SCN8A: variants seen among roughly 807,000 people sequenced by gnomAD.
SCN8A encodes the protein sodium voltage-gated channel alpha subunit 8.
In SCN8A, 30 loss-of-function variants were observed where a neutral mutation model predicts 184.1. The ratio of observed to expected loss-of-function variants is 0.16; its 90% CI spans 0.12 to 0.22. The LOEUF (loss-of-function observed/expected upper bound fraction) is 0.22, where lower values mean the gene tolerates loss of function less well. Ranked by LOEUF, SCN8A falls within the 10% of genes least tolerant of loss-of-function variation. The probability of loss-of-function intolerance (pLI) is 1.00; values close to 1 mark genes in which losing one functional copy is unlikely to be tolerated. For missense variants in SCN8A, 1,057 were observed against 2,498.9 expected, an observed-to-expected ratio of 0.42 and a Z score of 12.30; for synonymous variants, 852 against 907.0, an observed-to-expected ratio of 0.94 and a Z score of 1.09.
intron 12 of SCN8A, chr12:51,722,229 C>T (rs1017521480): frequency 4.3e-6 from 2 of 460,390 alleles, no homozygotes; most frequent in South Asian, 5.7e-5. Flanking sequence ...TTTATTTTAC[C>T]GTTTTCTTTC....
At chr12:51,803,077 ATCTG>A (rs1938600107) in intron 26 of SCN8A, among the ~76,000 whole-genome samples, 1 of 152,216 alleles carries the variant, frequency 6.6e-6, no homozygotes, top group African/African-American at 2.4e-5. Flanking sequence ...ACAGCAGGCC[ATCTG>A]CAAGCTGAGG....
Position 51,734,558 on chromosome 12 carries a change from G to C in SCN8A, c.1999-11345G>C, listed in dbSNP as rs185100519. Among the ~76,000 whole-genome samples the C allele has an allele frequency of 5.3e-5, 8 of 152,330 alleles. No individual in the cohort carries two copies. The East Asian group carries it at 9.6e-4, about 18-fold the overall frequency. On this transcript the variant is annotated intron_variant, in intron 12 of 26. Transcript: ENST00000627620. ...TTAAGCGGTTTTCCACCCTGGGCGGGCCAGGTGTTCCTTGCCGTCATTCCT... is the reference window on the plus strand; with the variant it reads ...TTAAGCGGTTTTCCACCCTGGGCGGCCCAGGTGTTCCTTGCCGTCATTCCT...
intron 1 of SCN8A, among the ~76,000 whole-genome samples, chr12:51,638,633 C>T (rs1271344136): frequency 4.6e-5 from 7 of 151,904 alleles, no homozygotes; most frequent in South Asian, 2.1e-4. Context: ...ACTACAGGCG[C>T]GTGCCACCAC....
chr12:51,707,904 G>A (rs1397986447), intron 11 of SCN8A, among the ~76,000 whole-genome samples: 1 of 151,968 alleles, frequency 6.6e-6, no homozygotes, highest in Non-Finnish European at 1.5e-5. Flanking sequence ...GCCCATCCCT[G>A]CATCCTCATT....
chr12:51,688,089 TCTTA>T (rs1379371022), intron 5 of SCN8A, among the ~76,000 whole-genome samples: 1 of 152,228 alleles, frequency 6.6e-6, no homozygotes, highest in Non-Finnish European at 1.5e-5. Flanking sequence ...AAAGGCAATG[TCTTA>T]CTTTCTAGCA....
At chr12:51,753,790 T>C (rs1291066702) in intron 14 of SCN8A, among the ~76,000 whole-genome samples, 1 of 152,228 alleles carries the variant, frequency 6.6e-6, no homozygotes, top group African/African-American at 2.4e-5. Context: ...AAGTATCTTA[T>C]AAATCTTAGG....
intron 1 of SCN8A, 114 bp from the exon 2 acceptor site, chr12:51,662,650 C>G: frequency 1.5e-6 from 1 of 652,856 alleles, no homozygotes; most frequent in African/African-American, 1.8e-5. Flanking sequence ...ATGGAAGAAA[C>G]TATGTGTTTT....
chr12:51,687,360 T>C (rs1320910229), intron 5 of SCN8A, 141 bp downstream of exon 5: 1 of 927,432 alleles, frequency 1.1e-6, no homozygotes, highest in African/African-American at 1.7e-5. Flanking sequence ...CCCTGTGGGC[T>C]TATGTCTATG....
chr12:51,794,671 G>A (rs1938358857), intron 26 of SCN8A, 30 bp downstream of exon 26: 2 of 1,603,994 alleles, frequency 1.2e-6, no homozygotes, highest in South Asian at 2.2e-5. Flanking sequence ...TAGGCGAGGG[G>A]AAAGGGGACC....
chr12:51,653,740 A>C lies in SCN8A; in HGVS notation c.-54-9024A>C, dbSNP rs190485710. The stretch of plus-strand genomic sequence containing the variant: ...ATGCTTAATTTTTTTGAGGAACTGC[A>C]GTAATGTTTTCTATAGCAGCTGCAC... On this transcript the variant is annotated intron_variant, in intron 1 of 26. Transcript: ENST00000627620. Among the ~76,000 whole-genome samples, 3 of 152,300 alleles carry C rather than the reference A, an allele frequency of 2.0e-5. No individual in the cohort carries two copies. The East Asian group carries it at 5.8e-4, about 29-fold the overall frequency.
chr12:51,736,243 T>C (rs1021371454), intron 12 of SCN8A, among the ~76,000 whole-genome samples: 1 of 152,194 alleles, frequency 6.6e-6, no homozygotes, highest in Non-Finnish European at 1.5e-5. Flanking sequence ...TCTGTTTTAA[T>C]AGAAGCCCAT....
intron 1 of SCN8A, among the ~76,000 whole-genome samples, chr12:51,624,830 T>A (rs1454973750): frequency 6.6e-6 from 1 of 152,192 alleles, no homozygotes; most frequent in East Asian, 1.9e-4. Flanking sequence ...TTTCTACATA[T>A]GGCTAGCCAG....
chr12:51,699,001 A>T (rs1411866346), intron 6 of SCN8A, among the ~76,000 whole-genome samples: 1 of 152,226 alleles, frequency 6.6e-6, no homozygotes, highest in Non-Finnish European at 1.5e-5. Context: ...GGCACTATAG[A>T]TACAGCTGTG....
At chr12:51,657,932 T>C (rs770648083) in intron 1 of SCN8A, among the ~76,000 whole-genome samples, 7 of 152,142 alleles carry the variant, frequency 4.6e-5, no homozygotes, top group Non-Finnish European at 8.8e-5. Flanking sequence ...GCTATTAATA[T>C]GTGGATTTAA....
chr12:51,744,331 C>G (rs916283196), intron 12 of SCN8A, among the ~76,000 whole-genome samples: 13 of 152,148 alleles, frequency 8.5e-5, no homozygotes, highest in Admixed American at 2.6e-4. Flanking sequence ...AGAGATTTGC[C>G]TGATGTTCTA....
chr12:51,759,004 A>G (rs1204340040), intron 14 of SCN8A, among the ~76,000 whole-genome samples: 10 of 149,382 alleles, frequency 6.7e-5, no homozygotes, highest in African/African-American at 2.3e-4. Context: ...GTGTGTGTAT[A>G]TATATATATA....
chr12:51,714,737 A>C (rs925548421), intron 11 of SCN8A, among the ~76,000 whole-genome samples: 1 of 152,202 alleles, frequency 6.6e-6, no homozygotes, highest in Non-Finnish European at 1.5e-5. Flanking sequence ...CAGACAATTT[A>C]CGTGTATCCC....
At chr12:51,664,271 G>T (rs916838593) in intron 2 of SCN8A, among the ~76,000 whole-genome samples, 4 of 150,952 alleles carry the variant, frequency 2.6e-5, no homozygotes, top group African/African-American at 9.8e-5. Context: ...GCAGTGGTGC[G>T]GTCTCAGCTC....
intron 1 of SCN8A, among the ~76,000 whole-genome samples, chr12:51,638,853 C>T (rs957106614): frequency 6.6e-6 from 1 of 151,962 alleles, no homozygotes; most frequent in South Asian, 2.1e-4. Context: ...GAGGGGACTG[C>T]AGATGTGGTG....
Sources: allele counts gnomAD v4.1 joint callset (sites outside exome capture counted in the v4.1 genomes callset), GRCh38; gene constraint gnomAD v4.1.1; transcripts MANE v1.5; gene names NCBI Gene and HGNC (gene_info 2026-07-23, HGNC 2026-07-21).